Variants in STXBP5 observed in about 807,000 individuals in gnomAD.
STXBP5 encodes syntaxin-binding protein 5.
STXBP5 carries 50 observed loss-of-function variants against 152.4 expected under a neutral mutation model. That is an observed-to-expected ratio of 0.33 (90% CI 0.26 to 0.42). The LOEUF (loss-of-function observed/expected upper bound fraction) is 0.42, where lower values mean the gene tolerates loss of function less well. STXBP5 is among the 10% of genes least tolerant of loss of function. STXBP5 has a pLI of 1.00. For synonymous variants in STXBP5, 492 were observed against 494.7 expected, an observed-to-expected ratio of 0.99 and a Z score of 0.07; for missense variants, 1,167 against 1,388.6, an observed-to-expected ratio of 0.84 and a Z score of 2.54.
intron 2 of STXBP5, among the ~76,000 whole-genome samples, chr6:147,226,977 A>G (rs918332873): frequency 6.6e-6 from 1 of 152,082 alleles, no homozygotes; most frequent in African/African-American, 2.4e-5. Context: ...TAATGTGCCC[A>G]TTTTTCTTGC....
intron 4 of STXBP5, among the ~76,000 whole-genome samples, chr6:147,243,030 C>T (rs1314011370): frequency 6.6e-6 from 1 of 152,032 alleles, no homozygotes; most frequent in African/African-American, 2.4e-5. Flanking sequence ...TTTTTTTGGC[C>T]ATTATGAATA....
chr6:147,332,994 G>A (rs1249162760), intron 18 of STXBP5, among the ~76,000 whole-genome samples: 1 of 151,954 alleles, frequency 6.6e-6, no homozygotes, highest in Non-Finnish European at 1.5e-5. Flanking sequence ...TACCAAGGGG[G>A]TAAAATTTCA....
At chr6:147,304,470 T>C (rs747851625) in intron 9 of STXBP5, among the ~76,000 whole-genome samples, 6 of 152,108 alleles carry the variant, frequency 3.9e-5, no homozygotes, top group Admixed American at 6.5e-5. Context: ...GAAAGCCTTG[T>C]GGAGAACCTC....
rs552593393 is a variant in STXBP5, at chr6:147,300,912, A to G, written c.918-9172A>G. ...ATATTTGTAAACTATACATCTAACT[A>G]AAGATTAATATACAGAATATATAAG... On this transcript the variant is annotated intron_variant, in intron 9 of 27. Coordinates refer to ENST00000321680, the MANE Select transcript of STXBP5 (RefSeq NM_001127715.4). Among the ~76,000 whole-genome samples, 6 of 152,206 alleles carry G rather than the reference A, an allele frequency of 3.9e-5. 1 individual carries two copies. The South Asian group carries it at 1.2e-3, about 32-fold the overall frequency.
chr6:147,377,750 A>G (rs1785879663), intron 26 of STXBP5, among the ~76,000 whole-genome samples: 1 of 152,108 alleles, frequency 6.6e-6, no homozygotes, highest in African/African-American at 2.4e-5. Context: ...CTGACATTAC[A>G]TTAGGGAAGG....
intron 2 of STXBP5, among the ~76,000 whole-genome samples, chr6:147,232,869 C>A (rs1029381231): frequency 1.3e-5 from 2 of 151,734 alleles, no homozygotes; most frequent in East Asian, 3.9e-4. Flanking sequence ...AAGAGTAAAA[C>A]GTCTCTTGAC....
rs1278665303 is a variant in STXBP5 at position 147,389,807 on chromosome 6, G to T, written c.*5052G>T. On this transcript the variant is annotated 3_prime_UTR_variant, in exon 28 of 28. Transcript: ENST00000321680. The stretch of plus-strand genomic sequence containing the variant: ...AGCAATGGAAAGCAATGCAAAGAGG[G>T]TAAATCTTGTTTTAATTTTTTTAAC... 6.6e-6 allele frequency: 1 copy of T among 151,612 alleles called. No homozygotes were observed. Among genetic ancestry groups the T allele is most frequent in the Non-Finnish European group, 1.5e-5 (1 of 67,794 alleles). 9.4% of individuals were successfully genotyped at this position (151,612 alleles called of 1,614,324 possible). A position where few individuals can be genotyped will look rare whatever the true frequency, so the allele number is the denominator to read the frequency against.
At chr6:147,278,334 T>A in intron 8 of STXBP5, 130 bp downstream of exon 8, 1 of 892,616 alleles carries the variant, frequency 1.1e-6, no homozygotes, top group Non-Finnish European at 1.6e-6. Context: ...TTTAGGGAAT[T>A]AAAAATATTT....
At chr6:147,255,908 T>A (rs1779336279) in intron 4 of STXBP5, among the ~76,000 whole-genome samples, 1 of 152,228 alleles carries the variant, frequency 6.6e-6, no homozygotes, top group African/African-American at 2.4e-5. Context: ...TTAAGATACA[T>A]GATAAGCAGG....
intron 4 of STXBP5, among the ~76,000 whole-genome samples, chr6:147,242,195 A>G (rs555529045): frequency 6.6e-6 from 1 of 152,020 alleles, no homozygotes; most frequent in African/African-American, 2.4e-5. Flanking sequence ...AAGTTTAAAA[A>G]GTAAAAGTAA....
chr6:147,363,940 A>G lies in STXBP5; in HGVS notation c.2916-61A>G, dbSNP rs530139998. 5 of 1,532,214 alleles carry G rather than the reference A, an allele frequency of 3.3e-6. No individual in the cohort carries two copies. In the Admixed American group the frequency reaches 9.3e-5, roughly 29 times the overall value. 94.9% of individuals were successfully genotyped at this position (1,532,214 alleles called of 1,614,324 possible). A position where few individuals can be genotyped will look rare whatever the true frequency, so the allele number is the denominator to read the frequency against. On this transcript the variant is annotated intron_variant, in intron 24 of 27. Coordinates refer to ENST00000321680, the MANE Select transcript of STXBP5 (RefSeq NM_001127715.4). ...GAGGTCTCTGCCATTTTTAACAATG[A>G]TAGTGTGTTCAAGACTAAAACCTAC... is the stretch of plus-strand genomic sequence containing the variant.
chr6:147,364,311 A>C (rs914023365), intron 25 of STXBP5, 145 bp downstream of exon 25: 4 of 695,396 alleles, frequency 5.8e-6, no homozygotes, highest in African/African-American at 5.4e-5. Context: ...CTTTCAGAGC[A>C]CATGCTTTGA....
rs779080359 is a variant in STXBP5 at position 147,278,192 on chromosome 6, A to G, written c.826A>G (p.Ile276Val). 15 of 1,609,088 alleles carry G rather than the reference A, an allele frequency of 9.3e-6. No individual in the cohort carries two copies. The highest frequency in any genetic ancestry group is 8.0e-5 in the African/African-American group (6 of 74,792). Residue 276 changes from isoleucine (I) to valine (V), a missense_variant, in exon 8 of 28, where the codon ATC becomes GTC. Ile to Val is a conservative substitution (Grantham distance 29, BLOSUM62 3). Coordinates refer to ENST00000321680, the MANE Select transcript of STXBP5 (RefSeq NM_001127715.4). ...VRSPAKPVQT[I>V]TPHGKQLKDG... ...GTCCCCTGCTAAACCAGTACAGACA[A>G]TCACTCCACATGGTAAGAATGCATC...
intron 8 of STXBP5, among the ~76,000 whole-genome samples, chr6:147,279,264 A>T (rs958557063): frequency 6.6e-6 from 1 of 152,106 alleles, no homozygotes; most frequent in Non-Finnish European, 1.5e-5. Context: ...TTGTTTTAGA[A>T]TTTGTATTTC....
intron 26 of STXBP5, among the ~76,000 whole-genome samples, chr6:147,377,386 A>G (rs1785860031): frequency 6.6e-6 from 1 of 152,202 alleles, no homozygotes. Context: ...AAAAAGTTAG[A>G]AAAACAGCAA....
At chr6:147,337,091 A>T (rs897978566) in intron 19 of STXBP5, among the ~76,000 whole-genome samples, 4 of 151,918 alleles carry the variant, frequency 2.6e-5, no homozygotes, top group Admixed American at 1.3e-4. Flanking sequence ...CTTTCATTTG[A>T]TCCTTACATC....
chr6:147,306,150 A>G (rs1782080889), intron 9 of STXBP5, among the ~76,000 whole-genome samples: 1 of 152,212 alleles, frequency 6.6e-6, no homozygotes, highest in African/African-American at 2.4e-5. Context: ...CCCATGCTCC[A>G]GCATTTCCAG....
intron 26 of STXBP5, among the ~76,000 whole-genome samples, chr6:147,378,159 T>A (rs921286342): frequency 1.3e-5 from 2 of 151,948 alleles, no homozygotes; most frequent in African/African-American, 4.8e-5. Flanking sequence ...AGGGAAAAAA[T>A]AATTCAACTC....
intron 3 of STXBP5, among the ~76,000 whole-genome samples, chr6:147,237,239 G>A (rs1778321997): frequency 6.6e-6 from 1 of 151,898 alleles, no homozygotes; most frequent in African/African-American, 2.4e-5. Flanking sequence ...CAATAAGATT[G>A]ATCATAGACT....
Sources: allele counts gnomAD v4.1 joint callset (sites outside exome capture counted in the v4.1 genomes callset), GRCh38; gene constraint gnomAD v4.1.1; transcripts MANE v1.5; gene names NCBI Gene and HGNC (gene_info 2026-07-23, HGNC 2026-07-21).